Variants in RBFOX1 observed in about 807,000 individuals in gnomAD.
RBFOX1 encodes the protein RNA binding protein fox-1 homolog 1.
RBFOX1 carries 8 observed loss-of-function variants against 57.7 expected under a neutral mutation model. The observed-to-expected ratio is 0.14, with a 90% CI of 0.08 to 0.25. RBFOX1 has a LOEUF of 0.25. RBFOX1 is among the 10% of genes least tolerant of loss of function. The pLI is 1.00. For synonymous variants in RBFOX1, 326 were observed against 222.4 expected (o/e 1.47, Z -4.15); for missense variants, 611 against 548.5 (o/e 1.11, Z -1.14).
chr16:7,016,871 C>G (rs1368132042), intron 3 of RBFOX1, among the ~76,000 whole-genome samples: 1 of 152,140 alleles, frequency 6.6e-6, no homozygotes, highest in African/African-American at 2.4e-5. Flanking sequence ...AAGACTGTTT[C>G]TTTTCTGGCT....
chr16:6,189,682 G>T (rs2097129817), intron 1 of RBFOX1, among the ~76,000 whole-genome samples: 1 of 152,168 alleles, frequency 6.6e-6, no homozygotes, highest in African/African-American at 2.4e-5. Context: ...TTCACCTGTT[G>T]TCTCTCTCCA....
At chr16:7,165,460 G>A (rs1418444447) in intron 4 of RBFOX1, among the ~76,000 whole-genome samples, 5 of 148,954 alleles carry the variant, frequency 3.4e-5, no homozygotes, top group African/African-American at 1.0e-4. Context: ...ATGGAGTTTC[G>A]CTCTTGTTCC....
chr16:5,298,575 CCCCTCCCTTCCCCTCCCCTCCCCTCCT>C (rs2063729943), intron 1 of RBFOX1, among the ~76,000 whole-genome samples: 1 of 11,934 alleles, frequency 8.4e-5, no homozygotes, highest in Non-Finnish European at 1.5e-4. Context: ...CCCCTCCTTT[CCCCTCCCTTCCCCTCCCCTCCCCTCCT>C]CTCCCCTCCC....
At chr16:6,087,356 T>TTA (rs80048104) in intron 1 of RBFOX1, among the ~76,000 whole-genome samples, 184 of 150,346 alleles carry the variant, frequency 1.2e-3, no homozygotes, top group Middle Eastern at 3.5e-3. Flanking sequence ...TCTTTAACGT[T>TTA]TATATATATA....
chr16:6,556,683 C>A (rs74005284), intron 2 of RBFOX1, among the ~76,000 whole-genome samples: 1 of 152,032 alleles, frequency 6.6e-6, no homozygotes, highest in Admixed American at 6.5e-5. Flanking sequence ...GTTATAATCA[C>A]ATGATATAGA....
intron 4 of RBFOX1, among the ~76,000 whole-genome samples, chr16:7,508,049 C>G (rs1468275518): frequency 1.3e-5 from 2 of 151,826 alleles, no homozygotes; most frequent in Non-Finnish European, 2.9e-5. Context: ...TGCAGTGATG[C>G]AATCTTGGAT....
At chr16:6,853,410 A>T (rs145867668) in intron 3 of RBFOX1, among the ~76,000 whole-genome samples, 1 of 152,242 alleles carries the variant, frequency 6.6e-6, no homozygotes, top group East Asian at 1.9e-4. Context: ...AGAGTTACTG[A>T]TAGTGCCTGC....
At chr16:5,475,752 C>A (rs748751191) in intron 2 of RBFOX1, among the ~76,000 whole-genome samples, 4 of 152,156 alleles carry the variant, frequency 2.6e-5, no homozygotes, top group Admixed American at 2.6e-4. Context: ...AGCCACATAT[C>A]TGAGGAAGTG....
At chr16:7,493,279 C>G (rs2067521321) in intron 4 of RBFOX1, among the ~76,000 whole-genome samples, 1 of 152,200 alleles carries the variant, frequency 6.6e-6, no homozygotes, top group Admixed American at 6.5e-5. Flanking sequence ...TCAACAGCCA[C>G]ACGTGGCTAG....
chr16:6,212,070 C>G (rs1160756028), intron 1 of RBFOX1, among the ~76,000 whole-genome samples: 2 of 151,988 alleles, frequency 1.3e-5, no homozygotes, highest in African/African-American at 4.8e-5. Flanking sequence ...GTTGGCCAGG[C>G]TAGTCTTGAA....
chr16:7,142,615 CT>C (rs2074066035), intron 4 of RBFOX1, among the ~76,000 whole-genome samples: 2 of 152,196 alleles, frequency 1.3e-5, no homozygotes, highest in Admixed American at 1.3e-4. Context: ...ATCTACTCAT[CT>C]TCTGGACTGT....
At position 7,498,901 on chromosome 16, in the gene RBFOX1, G is replaced by C. The variant is rs537927344; in HGVS notation, c.28-19246G>C. Among the ~76,000 whole-genome samples, 10 of 152,318 alleles carry C rather than the reference G, an allele frequency of 6.6e-5. No homozygotes were observed. In the East Asian group the frequency reaches 1.5e-3, roughly 24 times the overall value. On this transcript the variant is annotated intron_variant, in intron 4 of 15. Coordinates refer to ENST00000550418, the MANE Select transcript of RBFOX1 (RefSeq NM_018723.4). ...CCCAACTTTCTCCTCTGAAGTGTTA[G>C]TGTATAAGCAACAGATTAAGAGGAT... is the stretch of plus-strand genomic sequence containing the variant.
chr16:6,749,341 G>A (rs577819712), intron 3 of RBFOX1, among the ~76,000 whole-genome samples: 2 of 152,256 alleles, frequency 1.3e-5, no homozygotes, highest in East Asian at 1.9e-4. Context: ...TCCACACAGC[G>A]CCTGGTTCAA....
intron 3 of RBFOX1, among the ~76,000 whole-genome samples, chr16:6,841,823 C>T (rs1016171605): frequency 6.6e-6 from 1 of 152,026 alleles, no homozygotes; most frequent in African/African-American, 2.4e-5. Flanking sequence ...GAATGTTCTT[C>T]AGGTAGAATT....
At chr16:6,574,966 A>G (rs866365228) in intron 2 of RBFOX1, among the ~76,000 whole-genome samples, 3 of 149,840 alleles carry the variant, frequency 2.0e-5, no homozygotes, top group South Asian at 2.1e-4. Context: ...TGAACCTGGG[A>G]GGCGGAGCTT....
At chr16:6,241,231 A>G (rs2097538591) in intron 1 of RBFOX1, among the ~76,000 whole-genome samples, 1 of 152,234 alleles carries the variant, frequency 6.6e-6, no homozygotes, top group Non-Finnish European at 1.5e-5. Context: ...TGTAATGTGC[A>G]ATGAAGCCAT....
chr16:6,526,997 C>G (rs944448994), intron 2 of RBFOX1, among the ~76,000 whole-genome samples: 1 of 151,994 alleles, frequency 6.6e-6, no homozygotes, highest in African/African-American at 2.4e-5. Flanking sequence ...AAATTCAAAT[C>G]TGGAAATCCA....
intron 1 of RBFOX1, among the ~76,000 whole-genome samples, chr16:6,306,937 A>T (rs2079577800): frequency 6.6e-6 from 1 of 152,148 alleles, no homozygotes; most frequent in South Asian, 2.1e-4. Context: ...TACTTTGTGA[A>T]CTTGGTGCTT....
At chr16:6,029,705 G>A (rs1309854321) in intron 1 of RBFOX1, among the ~76,000 whole-genome samples, 4 of 147,490 alleles carry the variant, frequency 2.7e-5, no homozygotes, top group East Asian at 4.2e-4. Flanking sequence ...CATGGGGAGC[G>A]GAGTTTGCAG....
Sources: gnomAD v4.1 joint callset for allele counts (sites outside exome capture counted in the v4.1 genomes callset) on GRCh38, gnomAD v4.1.1 for gene constraint, MANE v1.5 for transcripts, NCBI Gene and HGNC (gene_info 2026-07-23, HGNC 2026-07-21) for gene names.